ANXA10: variants seen among roughly 807,000 people sequenced by gnomAD.
ANXA10 encodes the protein annexin A10, also known as annexin 14.
In ANXA10, 49 loss-of-function variants were observed where a neutral mutation model predicts 53.5. That is an observed-to-expected ratio of 0.92 (90% CI 0.73 to 1.16). ANXA10 has a LOEUF of 1.16. Among genes scored for constraint, ANXA10 ranks in the 50% most tolerant of loss-of-function variants. ANXA10 has a pLI of 0.00. For missense variants in ANXA10, 393 were observed against 394.4 expected (o/e 1.00, Z 0.03); for synonymous variants, 131 against 128.9 (o/e 1.02, Z -0.11).
chr4:168,139,664 C>G, intron 3 of ANXA10, 84 bp downstream of exon 3: 1 of 929,250 alleles, frequency 1.1e-6, no homozygotes, highest in Non-Finnish European at 1.6e-6. Flanking sequence ...TTTTTTTTTT[C>G]AATCTCACAG....
At chr4:168,093,948 A>C (rs993670916) in intron 1 of ANXA10, among the ~76,000 whole-genome samples, 1 of 152,152 alleles carries the variant, frequency 6.6e-6, no homozygotes, top group African/African-American at 2.4e-5. Context: ...TGTTTTATTA[A>C]TTGTAAGGTG....
At chr4:168,131,817 T>C (rs1313099962) in intron 2 of ANXA10, among the ~76,000 whole-genome samples, 1 of 152,114 alleles carries the variant, frequency 6.6e-6, no homozygotes, top group East Asian at 1.9e-4. Context: ...ACTCCAACTT[T>C]CTTTTGATTG....
intron 1 of ANXA10, among the ~76,000 whole-genome samples, chr4:168,114,547 A>G (rs1047104215): frequency 4.6e-5 from 7 of 152,180 alleles, no homozygotes; most frequent in African/African-American, 1.7e-4. Context: ...TTTAAGTACA[A>G]TGACATAACT....
intron 3 of ANXA10, among the ~76,000 whole-genome samples, chr4:168,157,113 G>T (rs1380689116): frequency 6.6e-6 from 1 of 151,714 alleles, no homozygotes; most frequent in Non-Finnish European, 1.5e-5. Context: ...TGAAAGTAGT[G>T]AATAAATTGA....
At chr4:168,173,582 G>A (rs750158103) in intron 6 of ANXA10, among the ~76,000 whole-genome samples, 6 of 152,210 alleles carry the variant, frequency 3.9e-5, no homozygotes, top group Non-Finnish European at 7.3e-5. Context: ...GGACCCATAG[G>A]AGAGCATTGG....
intron 1 of ANXA10, among the ~76,000 whole-genome samples, chr4:168,098,264 A>G (rs919029955): frequency 3.9e-5 from 6 of 152,124 alleles, no homozygotes; most frequent in Non-Finnish European, 8.8e-5. Flanking sequence ...CTTAACCCTT[A>G]AGGTGAAGTC....
chr4:168,165,355 T>C, intron 6 of ANXA10, 29 bp downstream of exon 6: 1 of 1,353,404 alleles, frequency 7.4e-7, no homozygotes, highest in Non-Finnish European at 1.0e-6. Flanking sequence ...TACATTACTT[T>C]GCACTATCTA....
chr4:168,104,393 T>C (rs1182461137), intron 1 of ANXA10, among the ~76,000 whole-genome samples: 4 of 151,940 alleles, frequency 2.6e-5, no homozygotes, highest in Non-Finnish European at 5.9e-5. Flanking sequence ...TTGGTATTAG[T>C]ATAATCTAGA....
chr4:168,181,779 TTG>T, intron 10 of ANXA10, 38 bp downstream of exon 10: 1 of 1,365,286 alleles, frequency 7.3e-7, no homozygotes, highest in Non-Finnish European at 1.0e-6. Context: ...TCTCCAGAAA[TTG>T]TGTCTGTTTT....
chr4:168,146,219 T>C (rs1411207363), intron 3 of ANXA10, among the ~76,000 whole-genome samples: 1 of 152,162 alleles, frequency 6.6e-6, no homozygotes, highest in Non-Finnish European at 1.5e-5. Context: ...TTGAGTGGCA[T>C]TTTTAATAAA....
chr4:168,139,482 C>T lies in ANXA10; in HGVS notation c.101-4C>T. 1.9e-6 allele frequency: 3 copies of T among 1,610,418 alleles called. No individual in the cohort carries two copies. The highest frequency in any genetic ancestry group is 2.5e-6 in the Non-Finnish European group (3 of 1,177,306). ...ACTAATCTTCAAATATTATTCTTTT[C>T]CAGACTGTGACAAAGACATGCTGAT... On this transcript the variant is annotated splice_region_variant and splice_polypyrimidine_tract_variant and intron_variant, in intron 2 of 11. Coordinates refer to ENST00000359299, the MANE Select transcript of ANXA10 (RefSeq NM_007193.5).
chr4:168,159,392 A>C (rs779878009), intron 3 of ANXA10, among the ~76,000 whole-genome samples: 7 of 152,188 alleles, frequency 4.6e-5, no homozygotes, highest in Non-Finnish European at 7.4e-5. Context: ...TATTACAGCA[A>C]TACTGGCCAG....
chr4:168,096,660 AT>A (rs1002563300), intron 1 of ANXA10, among the ~76,000 whole-genome samples: 11 of 151,392 alleles, frequency 7.3e-5, no homozygotes, highest in South Asian at 2.1e-4. Context: ...CTGCACCTCA[AT>A]TTTTTTTAAC....
rs1731294104 is a variant in ANXA10, at chr4:168,139,548, A to T, written c.163A>T (p.Ile55Phe). 1 of 1,612,568 alleles carries T rather than the reference A, an allele frequency of 6.2e-7. No individual in the cohort carries two copies. Among genetic ancestry groups the T allele is most frequent in the Admixed American group, 1.7e-5 (1 of 59,976 alleles). Residue 55 changes from isoleucine to phenylalanine, a missense_variant, in exon 3 of 12, where the codon ATT becomes TTT. Ile to Phe is a conservative substitution (Grantham distance 21). Transcript: ENST00000359299. The stretch of plus-strand genomic sequence containing the variant: ...GCGCTGCAATGCACAAAGGATGATG[A>T]TTGCAGAGGCATACCAGAGCATGTA... Reference protein sequence around the residue: ...TQRCNAQRMMIAEAYQSMYGR... With the variant: ...TQRCNAQRMMFAEAYQSMYGR...
At chr4:168,175,209 A>G (rs994431998) in intron 6 of ANXA10, among the ~76,000 whole-genome samples, 1 of 152,212 alleles carries the variant, frequency 6.6e-6, no homozygotes, top group African/African-American at 2.4e-5. Flanking sequence ...TATAGCAAGA[A>G]GAAGAGAGTG....
chr4:168,149,818 A>G (rs955532701), intron 3 of ANXA10, among the ~76,000 whole-genome samples: 1 of 152,200 alleles, frequency 6.6e-6, no homozygotes, highest in African/African-American at 2.4e-5. Flanking sequence ...AGCCTAGGCA[A>G]TGAGTGGTGA....
At chr4:168,146,179 G>A (rs1204373049) in intron 3 of ANXA10, among the ~76,000 whole-genome samples, 2 of 152,138 alleles carry the variant, frequency 1.3e-5, no homozygotes, top group African/African-American at 4.8e-5. Context: ...AAAGTGCTGG[G>A]ATTGCAGGCA....
chr4:168,133,601 T>G (rs1377165107), intron 2 of ANXA10, among the ~76,000 whole-genome samples: 1 of 152,142 alleles, frequency 6.6e-6, no homozygotes, highest in East Asian at 1.9e-4. Flanking sequence ...GAAGGCTATC[T>G]GGAAGTATAG....
At chr4:168,117,589 A>G (rs1730914357) in intron 1 of ANXA10, among the ~76,000 whole-genome samples, 1 of 152,140 alleles carries the variant, frequency 6.6e-6, no homozygotes, top group Admixed American at 6.5e-5. Context: ...TGCACCTTTA[A>G]GGAAAACAAT....
Sources: gnomAD v4.1 joint callset for allele counts (sites outside exome capture counted in the v4.1 genomes callset) on GRCh38, gnomAD v4.1.1 for gene constraint, MANE v1.5 for transcripts, NCBI Gene and HGNC (gene_info 2026-07-23, HGNC 2026-07-21) for gene names.